Variants in STXBP5L observed in about 807,000 individuals in gnomAD.
STXBP5L encodes syntaxin-binding protein 5-like.
In STXBP5L, 65 loss-of-function variants were observed where a neutral mutation model predicts 144.5. The ratio of observed to expected loss-of-function variants is 0.45; its 90% CI spans 0.37 to 0.55. STXBP5L has a LOEUF of 0.55. STXBP5L is among the 20% of genes least tolerant of loss of function. The pLI is 0.00. For missense variants in STXBP5L, 1,298 were observed against 1,405.5 expected (o/e 0.92, Z 1.22); for synonymous variants, 505 against 469.6 (o/e 1.08, Z -0.97).
intron 9 of STXBP5L, among the ~76,000 whole-genome samples, chr3:121,194,646 C>T (rs1340367269): frequency 6.6e-6 from 1 of 152,110 alleles, no homozygotes; most frequent in African/African-American, 2.4e-5. Context: ...AAAATTGATA[C>T]TAATTCTTCC....
At chr3:121,296,310 T>A (rs1419569766) in intron 19 of STXBP5L, among the ~76,000 whole-genome samples, 1 of 152,222 alleles carries the variant, frequency 6.6e-6, no homozygotes, top group Non-Finnish European at 1.5e-5. Context: ...TACCTACTAA[T>A]GTCAGTAATG....
At chr3:121,136,085 G>A (rs1323347960) in intron 7 of STXBP5L, among the ~76,000 whole-genome samples, 1 of 152,174 alleles carries the variant, frequency 6.6e-6, no homozygotes, top group Non-Finnish European at 1.5e-5. Flanking sequence ...GCGGGCCTTA[G>A]GCATGCCCTG....
intron 20 of STXBP5L, among the ~76,000 whole-genome samples, chr3:121,365,600 G>T (rs190800132): frequency 6.6e-6 from 1 of 151,476 alleles, no homozygotes; most frequent in Non-Finnish European, 1.5e-5. Context: ...TTTTATTTCC[G>T]TAGAATCAGC....
intron 9 of STXBP5L, among the ~76,000 whole-genome samples, chr3:121,196,960 G>T (rs997397392): frequency 6.6e-6 from 1 of 152,130 alleles, no homozygotes; most frequent in Non-Finnish European, 1.5e-5. Context: ...TGGGATTTCA[G>T]GTGCAACCCA....
chr3:120,945,229 A>C (rs1182792274), intron 2 of STXBP5L, among the ~76,000 whole-genome samples: 4 of 151,706 alleles, frequency 2.6e-5, no homozygotes, highest in African/African-American at 7.3e-5. Flanking sequence ...TAGACCAAAA[A>C]CTCGACAAGT....
chr3:121,145,444 TG>T (rs1244653268), intron 7 of STXBP5L, among the ~76,000 whole-genome samples: 5 of 151,912 alleles, frequency 3.3e-5, no homozygotes, highest in Non-Finnish European at 5.9e-5. Context: ...GTCCTTCCAC[TG>T]GGAGAATTCT....
At chr3:121,160,197 G>A (rs1175355026) in intron 9 of STXBP5L, among the ~76,000 whole-genome samples, 1 of 152,140 alleles carries the variant, frequency 6.6e-6, no homozygotes, top group Non-Finnish European at 1.5e-5. Context: ...ATTGCTGAGA[G>A]AGTGCTATTA....
intron 9 of STXBP5L, among the ~76,000 whole-genome samples, chr3:121,176,917 A>C (rs2046960151): frequency 6.6e-6 from 1 of 152,080 alleles, no homozygotes; most frequent in Non-Finnish European, 1.5e-5. Context: ...AAACAGAAGT[A>C]ATATTTAAAA....
chr3:121,059,957 C>T (rs760191314), intron 5 of STXBP5L, among the ~76,000 whole-genome samples: 1 of 152,082 alleles, frequency 6.6e-6, no homozygotes, highest in Non-Finnish European at 1.5e-5. Context: ...TTTGAATACC[C>T]TATATTTCTT....
chr3:120,984,919 G>A (rs546253565), intron 3 of STXBP5L, among the ~76,000 whole-genome samples: 69 of 151,868 alleles, frequency 4.5e-4, no homozygotes, highest in Non-Finnish European at 8.1e-4. Context: ...CAATTGAGAT[G>A]TTGTGTGTTT....
At chr3:120,912,667 A>C (rs1708906147) in intron 2 of STXBP5L, among the ~76,000 whole-genome samples, 1 of 151,892 alleles carries the variant, frequency 6.6e-6, no homozygotes, top group South Asian at 2.1e-4. Context: ...GCAATCGTTC[A>C]GAATGTGTAT....
At chr3:121,399,703 C>T (rs1382793881) in intron 22 of STXBP5L, among the ~76,000 whole-genome samples, 1 of 152,150 alleles carries the variant, frequency 6.6e-6, no homozygotes, top group Non-Finnish European at 1.5e-5. Context: ...TACCTTTAAG[C>T]AGTTTTCGGC....
At chr3:121,071,096 A>C (rs1043674993) in intron 5 of STXBP5L, among the ~76,000 whole-genome samples, 15 of 152,292 alleles carry the variant, frequency 9.8e-5, no homozygotes, top group African/African-American at 2.9e-4. Context: ...TCTATCATAC[A>C]GTGATGACAG....
chr3:121,095,713 T>A (rs1466704630), intron 5 of STXBP5L, among the ~76,000 whole-genome samples: 1 of 152,200 alleles, frequency 6.6e-6, no homozygotes, highest in African/African-American at 2.4e-5. Flanking sequence ...GTTTTTAACT[T>A]CTTTGCGATG....
chr3:121,214,464 TACC>T, intron 10 of STXBP5L, among the ~76,000 whole-genome samples: 1 of 152,364 alleles, frequency 6.6e-6, no homozygotes, highest in Middle Eastern at 3.4e-3. Flanking sequence ...TTTCATTATT[TACC>T]CAGTTGTCAT....
intron 9 of STXBP5L, among the ~76,000 whole-genome samples, chr3:121,190,702 G>GGGGTGGCTGGCT (rs2047617945): frequency 1.3e-5 from 2 of 151,990 alleles, no homozygotes; most frequent in Non-Finnish European, 2.9e-5. Context: ...CCTCCCTGAC[G>GGGGTGGCTGGCT]GGGCGGCTGG....
chr3:121,124,947 G>C (rs1036027665), intron 7 of STXBP5L, among the ~76,000 whole-genome samples: 1 of 152,042 alleles, frequency 6.6e-6, no homozygotes, highest in Non-Finnish European at 1.5e-5. Context: ...AATATTCTAA[G>C]AGTTTAAAAT....
Position 121,259,393 on chromosome 3 carries a change from G to A in STXBP5L, c.1958+225G>A, listed in dbSNP as rs914841184. ...CCAATTTTGATGTTAGTAGGAGATT[G>A]TTAGGATTTTATTACACTTAAACTG... On this transcript the variant is annotated intron_variant, in intron 18 of 26. Coordinates refer to ENST00000471454, the MANE Select transcript of STXBP5L (RefSeq NM_001308330.2). 2.7e-4 allele frequency among the ~76,000 whole-genome samples: 41 copies of A among 152,028 alleles called. 2 individuals are homozygous for A. Among genetic ancestry groups the A allele is most frequent in the Non-Finnish European group, 2.9e-5 (2 of 67,958 alleles).
chr3:121,148,177 A>C (rs1162310326), intron 7 of STXBP5L, among the ~76,000 whole-genome samples: 1 of 152,154 alleles, frequency 6.6e-6, no homozygotes, highest in East Asian at 1.9e-4. Context: ...GCGGAAATTA[A>C]AAGAATAGAA....
Sources: gnomAD v4.1 joint callset for allele counts (sites outside exome capture counted in the v4.1 genomes callset) on GRCh38, gnomAD v4.1.1 for gene constraint, MANE v1.5 for transcripts, NCBI Gene and HGNC (gene_info 2026-07-23, HGNC 2026-07-21) for gene names.